The following FUT8 variants were observed in gnomAD, a reference collection of about 807,000 sequenced individuals.
FUT8 encodes alpha-(1,6)-fucosyltransferase.
Under a neutral mutation model 71.3 loss-of-function variants are expected in FUT8, and 29 were observed. The observed-to-expected ratio is 0.41, with a 90% CI of 0.30 to 0.55. The LOEUF (loss-of-function observed/expected upper bound fraction) is 0.55. Among genes scored for constraint, FUT8 ranks in the 20% least tolerant of loss-of-function variants. FUT8 has a pLI of 0.34. For missense variants in FUT8, 544 were observed against 702.1 expected (o/e 0.77, Z 2.55); for synonymous variants, 254 against 239.3 (o/e 1.06, Z -0.57).
intron 2 of FUT8, among the ~76,000 whole-genome samples, chr14:65,555,975 A>G (rs1885567147): frequency 6.6e-6 from 1 of 152,222 alleles, no homozygotes; most frequent in South Asian, 2.1e-4. Context: ...AGCAGAATAC[A>G]TAAGGAAATG....
At chr14:65,434,459 G>A (rs1237311401) in intron 1 of FUT8, among the ~76,000 whole-genome samples, 1 of 152,196 alleles carries the variant, frequency 6.6e-6, no homozygotes, top group East Asian at 1.9e-4. Flanking sequence ...ACACAAATCG[G>A]GGGTAGTGTC....
intron 2 of FUT8, among the ~76,000 whole-genome samples, chr14:65,551,007 G>A (rs1340726503): frequency 6.6e-6 from 1 of 152,064 alleles, no homozygotes; most frequent in Non-Finnish European, 1.5e-5. Context: ...TTGTCAAAGG[G>A]CATGTGTATG....
intron 2 of FUT8, among the ~76,000 whole-genome samples, chr14:65,480,653 G>A (rs1203590600): frequency 1.3e-5 from 2 of 151,516 alleles, no homozygotes; most frequent in South Asian, 4.2e-4. Context: ...ATTCTTCTGG[G>A]TATGTATCCA....
At chr14:65,716,666 T>G in intron 7 of FUT8, among the ~76,000 whole-genome samples, 1 of 152,108 alleles carries the variant, frequency 6.6e-6, no homozygotes, top group South Asian at 2.1e-4. Flanking sequence ...GATTTCTCTT[T>G]CTTTTCCCCA....
intron 3 of FUT8, 133 bp downstream of exon 3, chr14:65,561,899 G>T (rs889203171): frequency 2.7e-6 from 2 of 732,814 alleles, no homozygotes; most frequent in East Asian, 2.7e-5. Flanking sequence ...TAGCATGACA[G>T]TTTTCTATCT....
the FUT8 span, among the ~76,000 whole-genome samples, chr14:65,374,508 T>A: frequency 6.6e-6 from 1 of 152,224 alleles, no homozygotes; most frequent in South Asian, 2.1e-4. Context: ...TACTTGGTAT[T>A]TTGGCACTAT....
intron 7 of FUT8, among the ~76,000 whole-genome samples, chr14:65,688,262 G>A (rs917792404): frequency 6.6e-6 from 1 of 151,794 alleles, no homozygotes; most frequent in East Asian, 1.9e-4. Flanking sequence ...CACCTGCCTT[G>A]CCCCTTAACC....
At position 65,537,084 on chromosome 14, in the gene FUT8, G is replaced by T. The variant is rs139023053; in HGVS notation, c.-227-24253G>T. Among the ~76,000 whole-genome samples the T allele has an allele frequency of 6.6e-5, 10 of 150,592 alleles. No individual in the cohort carries two copies. The East Asian group carries it at 1.8e-3, about 27-fold the overall frequency. On this transcript the variant is annotated intron_variant, in intron 2 of 10. Coordinates refer to ENST00000673929, the MANE Select transcript of FUT8 (RefSeq NM_001371533.1). ...GTTAATACTTGAGATTCTTATAGAG[G>T]TTTTTTCAGCTCTATCAGATCAATT...
At chr14:65,711,544 A>G (rs1278788769) in intron 7 of FUT8, among the ~76,000 whole-genome samples, 1 of 152,032 alleles carries the variant, frequency 6.6e-6, no homozygotes, top group African/African-American at 2.4e-5. Flanking sequence ...TTTTTCTTAC[A>G]TGCATGTACT....
At chr14:65,475,532 A>AT (rs2066223949) in intron 2 of FUT8, among the ~76,000 whole-genome samples, 1 of 152,058 alleles carries the variant, frequency 6.6e-6, no homozygotes, top group Non-Finnish European at 1.5e-5. Context: ...TGAGGCCAGG[A>AT]TTTTGAGACC....
At chr14:65,582,761 A>G (rs1360510211) in intron 3 of FUT8, among the ~76,000 whole-genome samples, 3 of 152,210 alleles carry the variant, frequency 2.0e-5, no homozygotes, top group Non-Finnish European at 4.4e-5. Flanking sequence ...TCCTTGTATC[A>G]TAGTGTTTAG....
upstream of FUT8, chr14:65,412,271 G>A (rs1003181177): frequency 8.8e-6 from 4 of 455,910 alleles, no homozygotes; most frequent in Non-Finnish European, 1.3e-5. Flanking sequence ...GGGCTGCAGG[G>A]GCTGAGCAGC....
rs1335745175 is a variant in FUT8 at position 65,622,978 on chromosome 14, C to T, written c.483-6514C>T. On this transcript the variant is annotated intron_variant, in intron 5 of 10. Transcript: ENST00000673929. ...AGGCTGGAGCACAGTGGTGCAAAAA[C>T]GACCTGGGCTAAAGTGATCCTCCTG... 5.8e-5 allele frequency among the ~76,000 whole-genome samples: 8 copies of T among 138,402 alleles called. No homozygotes were observed. The South Asian group carries it at 1.1e-3, about 20-fold the overall frequency. 90.8% of individuals were successfully genotyped at this position (138,402 alleles called of 152,430 possible).
In FUT8 at chr14:65,441,798, AT is replaced by A. The variant is rs374962601; in HGVS notation, c.-325-13811del. On this transcript the variant is annotated intron_variant, in intron 1 of 10. Transcript: ENST00000673929. ...AAAAAATCAGTTTGTATTTACTCAG[AT>A]TTTTTTTTTTTAATTATACTTTAAG... Among the ~76,000 whole-genome samples, 369 of 134,356 alleles carry A rather than the reference AT, an allele frequency of 2.7e-3. 2 individuals carry two copies. Among genetic ancestry groups the A allele is most frequent in the African/African-American group, 6.3e-3 (232 of 36,900 alleles). The allele number at this position is 134,356 out of a possible 152,430, so 88.1% of individuals were successfully genotyped here. A position where few individuals can be genotyped will look rare whatever the true frequency, so the allele number is the denominator to read the frequency against.
intron 3 of FUT8, among the ~76,000 whole-genome samples, chr14:65,612,161 C>T (rs1028141665): frequency 7.2e-5 from 11 of 152,050 alleles, no homozygotes; most frequent in Non-Finnish European, 1.3e-4. Flanking sequence ...TTGTGGATTC[C>T]AGACATGAAT....
chr14:65,701,738 T>C (rs1411904745), intron 7 of FUT8, among the ~76,000 whole-genome samples: 1 of 152,190 alleles, frequency 6.6e-6, no homozygotes, highest in Non-Finnish European at 1.5e-5. Context: ...TGATGATGCA[T>C]GTTTGAAGTT....
intron 3 of FUT8, among the ~76,000 whole-genome samples, chr14:65,610,391 CTT>C (rs61112886): frequency 1.4e-4 from 20 of 140,566 alleles, no homozygotes; most frequent in Non-Finnish European, 2.2e-4. Flanking sequence ...TTTCTGACAC[CTT>C]TTTTTTTTTT....
At chr14:65,538,586 C>A (rs1328766962) in intron 2 of FUT8, among the ~76,000 whole-genome samples, 1 of 152,112 alleles carries the variant, frequency 6.6e-6, no homozygotes, top group East Asian at 1.9e-4. Flanking sequence ...GACAAAGACC[C>A]CACCATATCC....
upstream of FUT8, chr14:65,412,378 C>T (rs2065142372): frequency 2.2e-6 from 1 of 454,854 alleles, no homozygotes; most frequent in Non-Finnish European, 4.4e-6. Context: ...CGGGCCGGTC[C>T]ATTCCCGGCG....
Sources: gnomAD v4.1 joint callset for allele counts (sites outside exome capture counted in the v4.1 genomes callset) on GRCh38, gnomAD v4.1.1 for gene constraint, MANE v1.5 for transcripts, NCBI Gene and HGNC (gene_info 2026-07-23, HGNC 2026-07-21) for gene names.